Variants in AK9 observed in about 807,000 individuals in gnomAD.
AK9 encodes adenylate kinase 9.
Under a neutral mutation model 239.6 loss-of-function variants are expected in AK9, and 191 were observed. The ratio of observed to expected loss-of-function variants is 0.80; its 90% confidence interval spans 0.71 to 0.90. AK9 has a LOEUF of 0.90. Ranked by LOEUF, AK9 falls within the 40% of genes least tolerant of loss-of-function variation. The pLI, the probability that AK9 is intolerant of heterozygous loss-of-function variation, is 0.00. For missense variants in AK9, 1,995 were observed against 2,214.7 expected, an observed-to-expected ratio of 0.90 and a Z score of 1.99; for synonymous variants, 689 against 721.0, an observed-to-expected ratio of 0.96 and a Z score of 0.71.
At chr6:109,507,273 A>C (rs1653394314) in intron 33 of AK9, among the ~76,000 whole-genome samples, 1 of 152,194 alleles carries the variant, frequency 6.6e-6, no homozygotes, top group Non-Finnish European at 1.5e-5. Flanking sequence ...TATGTAAAGC[A>C]ACTAGAGTAG....
rs530655348 is a variant in AK9 at position 109,515,878 on chromosome 6, G to C, written c.4044C>G (p.Phe1348Leu). The change falls in exon 31 of 41, where the codon TTC becomes TTG. Residue 1348 changes from phenylalanine to leucine, a missense_variant. Physicochemically the swap from Phe to Leu is conservative, Grantham distance 22. This residue lies in a region of AK9 where 1,290 missense variants were observed against 1,392.7 expected (regional missense o/e 0.93). Transcript: ENST00000424296. ...LTFTYKYISSFGYWDPVKLSE... is the reference protein window; with the variant it reads ...LTFTYKYISSLGYWDPVKLSE... ...TTACCTTTACAGGGTCCCAATAGCC[G>C]AATGAGCTTATATACTTGTAGGTAA... 4.5e-6 allele frequency: 7 copies of C among 1,551,314 alleles called. No individual in the cohort carries two copies. Among genetic ancestry groups the C allele is most frequent in the African/African-American group, 1.4e-5 (1 of 72,998 alleles).
intron 1 of AK9, chr6:109,690,414 A>C (rs887010392): frequency 6.6e-6 from 1 of 152,216 alleles, no homozygotes; most frequent in African/African-American, 2.4e-5. Context: ...CGTGCAACAG[A>C]TACCAAGATG....
chr6:109,502,365 GAC>G (rs1337803508), intron 35 of AK9, among the ~76,000 whole-genome samples: 2 of 152,168 alleles, frequency 1.3e-5, no homozygotes, highest in Non-Finnish European at 2.9e-5. Context: ...GACATGTGAA[GAC>G]ACAAAGACAC....
chr6:109,568,820 G>A (rs1157520450), intron 21 of AK9, among the ~76,000 whole-genome samples: 1 of 152,178 alleles, frequency 6.6e-6, no homozygotes, highest in African/African-American at 2.4e-5. Flanking sequence ...CTCATGGATA[G>A]GAAGAATCAA....
At chr6:109,536,931 G>C (rs1409663822) in intron 27 of AK9, among the ~76,000 whole-genome samples, 3 of 152,154 alleles carry the variant, frequency 2.0e-5, no homozygotes, top group Admixed American at 6.5e-5. Context: ...TGTTGAACCA[G>C]CCTTGCATCC....
chr6:109,547,573 C>A (rs2128158677), intron 25 of AK9, among the ~76,000 whole-genome samples: 1 of 152,152 alleles, frequency 6.6e-6, no homozygotes, highest in Middle Eastern at 3.4e-3. Context: ...AAATGGAAGA[C>A]CTGAATATAT....
chr6:109,561,613 TG>T (rs1438688284), intron 24 of AK9, among the ~76,000 whole-genome samples: 1 of 152,210 alleles, frequency 6.6e-6, no homozygotes, highest in Non-Finnish European at 1.5e-5. Context: ...TGTGCCAGGC[TG>T]ACATTTTTTT....
intron 5 of AK9, among the ~76,000 whole-genome samples, chr6:109,664,644 C>T (rs904816842): frequency 1.3e-5 from 2 of 151,564 alleles, no homozygotes; most frequent in African/African-American, 2.4e-5. Flanking sequence ...AGGATGGTCT[C>T]GATCTCCCGA....
chr6:109,515,156 AT>A (rs1460620774), intron 31 of AK9, among the ~76,000 whole-genome samples: 3 of 152,228 alleles, frequency 2.0e-5, no homozygotes, highest in Non-Finnish European at 4.4e-5. Flanking sequence ...ACCAAGTGGT[AT>A]TTTGTAACGG....
chr6:109,546,870 C>G (rs1470131409), intron 25 of AK9, among the ~76,000 whole-genome samples: 3 of 152,130 alleles, frequency 2.0e-5, no homozygotes, highest in African/African-American at 7.2e-5. Flanking sequence ...AAACGTCTCG[C>G]AACTAGGGCT....
At chr6:109,568,439 C>T (rs1265475271) in intron 21 of AK9, among the ~76,000 whole-genome samples, 1 of 151,930 alleles carries the variant, frequency 6.6e-6, no homozygotes, top group Non-Finnish European at 1.5e-5. Flanking sequence ...GGAAATCAGG[C>T]AAGATAAAGA....
At chr6:109,499,502 A>G (rs1431565231) in intron 35 of AK9, among the ~76,000 whole-genome samples, 3 of 152,162 alleles carry the variant, frequency 2.0e-5, no homozygotes, top group Non-Finnish European at 4.4e-5. Flanking sequence ...TTTTGCATAT[A>G]GTATGCTTGT....
chr6:109,599,873 G>A (rs1174268875), intron 17 of AK9, among the ~76,000 whole-genome samples: 1 of 152,010 alleles, frequency 6.6e-6, no homozygotes, highest in Non-Finnish European at 1.5e-5. Context: ...TTGGCTCTCT[G>A]TTTGTCTGTT....
intron 12 of AK9, among the ~76,000 whole-genome samples, chr6:109,628,449 C>T (rs1795781551): frequency 2.0e-5 from 3 of 152,146 alleles, no homozygotes; most frequent in African/African-American, 4.8e-5. Flanking sequence ...GGAAACTGTC[C>T]CTATCCATGC....
chr6:109,590,384 T>G (rs1294234144), intron 17 of AK9, among the ~76,000 whole-genome samples: 1 of 152,210 alleles, frequency 6.6e-6, no homozygotes, highest in Non-Finnish European at 1.5e-5. Flanking sequence ...ATTAGTGATC[T>G]TTCGTATTTC....
chr6:109,531,773 A>T (rs1781297705), intron 28 of AK9, among the ~76,000 whole-genome samples: 1 of 152,162 alleles, frequency 6.6e-6, no homozygotes, highest in East Asian at 1.9e-4. Flanking sequence ...TACTTACAGA[A>T]TCTCTCGCAT....
rs767007079 is a variant in AK9 at position 109,656,844 on chromosome 6, T to C, written c.671A>G (p.His224Arg). The C allele has an allele frequency of 6.2e-7, 1 of 1,612,882 alleles. No individual in the cohort carries two copies. The highest frequency in any genetic ancestry group is 1.1e-5 in the South Asian group (1 of 90,988). Residue 224 changes from histidine to arginine, a missense_variant, in exon 8 of 41, where the codon CAT becomes CGT. His to Arg is a conservative substitution (Grantham distance 29, BLOSUM62 0). Transcript: ENST00000424296. ...AEMQMVAEILHHLVQRPEDYL... is the reference protein window; with the variant it reads ...AEMQMVAEILRHLVQRPEDYL... ...ATCTTCAGGCCTCTGAACTAGATGATGAAGAATTTCAGCCACCATCTGCAT... is the reference window on the plus strand; with the variant it reads ...ATCTTCAGGCCTCTGAACTAGATGACGAAGAATTTCAGCCACCATCTGCAT...
chr6:109,632,338 CT>C (rs1796173286), intron 12 of AK9: 1 of 982,476 alleles, frequency 1.0e-6, no homozygotes, highest in Admixed American at 6.1e-5. Context: ...CACATTGCCC[CT>C]TCTAGAATTC....
chr6:109,646,641 C>T (rs1007635904), intron 8 of AK9, among the ~76,000 whole-genome samples: 4 of 152,124 alleles, frequency 2.6e-5, no homozygotes, highest in Admixed American at 6.5e-5. Context: ...ACAGGGAGAA[C>T]AGACCTAAGT....
Sources: gnomAD v4.1 joint callset for allele counts (sites outside exome capture counted in the v4.1 genomes callset) on GRCh38, gnomAD v4.1.1 for gene constraint, gnomAD v4.1.1 regional missense constraint, MANE v1.5 for transcripts, NCBI Gene and HGNC (gene_info 2026-07-23, HGNC 2026-07-21) for gene names.